Variants in LYST observed in about 807,000 individuals in gnomAD.
The protein encoded by LYST is lysosomal-trafficking regulator.
Under a neutral mutation model 413.6 loss-of-function variants are expected in LYST, and 192 were observed. The observed-to-expected ratio is 0.46, with a 90% CI of 0.41 to 0.52. The LOEUF (loss-of-function observed/expected upper bound fraction) is 0.52. LYST is among the 20% of genes least tolerant of loss of function. LYST has a pLI of 0.00. For missense variants in LYST, 3,815 were observed against 4,499.9 expected, an observed-to-expected ratio of 0.85 and a Z score of 4.35; for synonymous variants, 1,525 against 1,567.3, an observed-to-expected ratio of 0.97 and a Z score of 0.64.
At position 235,664,758 on chromosome 1, in the gene LYST, CTG is replaced by C. The variant is rs1658294485; in HGVS notation, c.11039-139_11039-138del. ...TTTGTAGACAACCCATGACTGAAGA[CTG>C]TATAAATGAAATTACTACACAAGTT... On this transcript the variant is annotated intron_variant, in intron 50 of 52. Transcript: ENST00000389793. The surrounding 1 kb of genome is among the most constrained non-coding windows in gnomAD (Gnocchi z 4.5). 5.4e-6 allele frequency: 4 copies of C among 746,046 alleles called. No individual in the cohort carries two copies. Among genetic ancestry groups the C allele is most frequent in the Non-Finnish European group, 9.4e-6 (4 of 424,690 alleles). 46.2% of individuals were successfully genotyped at this position (746,046 alleles called of 1,614,324 possible).
chr1:235,679,857 G>T (rs1361286911), intron 48 of LYST, among the ~76,000 whole-genome samples: 1 of 152,112 alleles, frequency 6.6e-6, no homozygotes, highest in African/African-American at 2.4e-5. Context: ...TTCCACAGAG[G>T]CTGTCCAAGG....
At chr1:235,800,557 T>G (rs1672098680) in intron 9 of LYST, among the ~76,000 whole-genome samples, 171 bp from the exon 10 acceptor site, 1 of 152,206 alleles carries the variant, frequency 6.6e-6, no homozygotes, top group South Asian at 2.1e-4. Context: ...TCATTTTCTT[T>G]TTATACTGAT....
At chr1:235,672,857 T>C (rs1406546743) in intron 50 of LYST, among the ~76,000 whole-genome samples, 1 of 152,152 alleles carries the variant, frequency 6.6e-6, no homozygotes, top group Admixed American at 6.5e-5. Flanking sequence ...CCTCCCAACA[T>C]TTGAGACAAA....
At chr1:235,748,536 T>C (rs1428266976) in intron 28 of LYST, among the ~76,000 whole-genome samples, 2 of 152,136 alleles carry the variant, frequency 1.3e-5, no homozygotes, top group East Asian at 1.9e-4. Context: ...AATCAATTTA[T>C]AAACAGTAGG....
chr1:235,792,853 G>A (rs552590220), intron 11 of LYST, among the ~76,000 whole-genome samples: 7 of 151,612 alleles, frequency 4.6e-5, no homozygotes, highest in African/African-American at 9.7e-5. Context: ...TAGTAGAGAC[G>A]GGGTTTCATC....
rs574559915 is a variant in LYST, at chr1:235,789,198, G to A, written c.4544-353C>T. ...GACTTCACTGACCCTGGTCCAGGGAGCACACATCATTGTCCATGCCTCACA... is the reference window on the plus strand; with the variant it reads ...GACTTCACTGACCCTGGTCCAGGGAACACACATCATTGTCCATGCCTCACA... On this transcript the variant is annotated intron_variant, in intron 12 of 52. Coordinates refer to ENST00000389793, the MANE Select transcript of LYST (RefSeq NM_000081.4). Among the ~76,000 whole-genome samples the A allele has an allele frequency of 5.3e-5, 8 of 152,204 alleles. No homozygotes were observed. In the East Asian group the frequency reaches 1.2e-3, roughly 22 times the overall value.
chr1:235,805,809 A>G lies in LYST; in HGVS notation c.3327T>C (p.Leu1109=). Residue 1109 remains leucine (L), a synonymous_variant, in exon 6 of 53, where the codon CTT becomes CTC. Coordinates refer to ENST00000389793, the MANE Select transcript of LYST (RefSeq NM_000081.4). The part of the protein sequence containing the change: ...SLQSIRLLEA[L]LAICLHGART... ...TGGCACCATGAAGACAAATGGCCAG[A>G]AGGGCTTCCAAAAGTCGTATACTTT... 1 of 1,613,674 alleles carries G rather than the reference A, an allele frequency of 6.2e-7. No individual in the cohort carries two copies.
chr1:235,715,346 T>G lies in LYST; in HGVS notation c.9639A>C (p.Glu3213Asp). The G allele has an allele frequency of 6.2e-7, 1 of 1,613,906 alleles. No homozygotes were observed. The highest frequency in any genetic ancestry group is 8.5e-7 in the Non-Finnish European group (1 of 1,179,878). Residue 3213 changes from glutamate (E) to aspartate (D), a missense_variant, in exon 42 of 53, where the codon GAA (glutamate) becomes GAC (aspartate). Glu to Asp is a conservative substitution (Grantham distance 45, BLOSUM62 2). This residue lies in a region of LYST where 866 missense variants were observed against 1,156.0 expected (regional missense o/e 0.75). Coordinates refer to ENST00000389793, the MANE Select transcript of LYST (RefSeq NM_000081.4). ...CTTCTCTGGCTCCTTTGCGGTACTC[T>G]TCCTCCAAGTACTGAAAGAAACGGT... Reference protein sequence around the residue: ...RYVDTYKYLEEEYRKGAREDD... With the variant: ...RYVDTYKYLEDEYRKGAREDD...
chr1:235,689,497 A>G (rs957456868), intron 47 of LYST, among the ~76,000 whole-genome samples: 1 of 152,184 alleles, frequency 6.6e-6, no homozygotes, highest in East Asian at 1.9e-4. Flanking sequence ...AGTGCTGGTA[A>G]TGTGTGTGGA....
chr1:235,783,562 T>A (rs888573263), intron 14 of LYST, among the ~76,000 whole-genome samples: 1 of 152,052 alleles, frequency 6.6e-6, no homozygotes, highest in African/African-American at 2.4e-5. Flanking sequence ...GACGGGTTGA[T>A]GGGTGCAGCA....
chr1:235,744,226 A>G, intron 29 of LYST, 69 bp from the exon 30 acceptor site: 1 of 814,298 alleles, frequency 1.2e-6, no homozygotes, highest in African/African-American at 1.7e-5. Context: ...AATAGTAATA[A>G]TACTGGTAAA....
rs768728098 is a variant in LYST at position 235,709,085 on chromosome 1, A to C, written c.10143+6T>G. Reference sequence around the variant, plus strand: ...AAATACAGATTGTTTTAAAAGAGTCACTTACAGCAGGATGAAAAACATTGA... The same window carrying C: ...AAATACAGATTGTTTTAAAAGAGTCCCTTACAGCAGGATGAAAAACATTGA... On this transcript the variant is annotated splice_donor_region_variant and intron_variant, in intron 44 of 52. Transcript: ENST00000389793. 2.6e-5 allele frequency: 42 copies of C among 1,612,126 alleles called. No individual in the cohort carries two copies. The highest frequency in any genetic ancestry group is 3.1e-5 in the Non-Finnish European group (37 of 1,178,278).
chr1:235,803,018 GA>G lies in LYST; in HGVS notation c.3601del (p.Ser1201GlnfsTer15). On this transcript the variant is annotated frameshift_variant, in exon 8 of 53. Coordinates refer to ENST00000389793, the MANE Select transcript of LYST (RefSeq NM_000081.4). LOFTEE classifies it high-confidence loss of function. ...ACACTGAGAATCCTCAGCTTCTTCT[GA>G]AAAATCACCAGGCTGGGATGACAAT... is the stretch of plus-strand genomic sequence containing the variant. ...EELSSQPGDF[S>X]EEAEDSQCCS... 2 of 1,613,186 alleles carry G rather than the reference GA, an allele frequency of 1.2e-6. No homozygotes were observed. The highest frequency in any genetic ancestry group is 1.7e-6 in the Non-Finnish European group (2 of 1,179,598).
At chr1:235,699,479 T>C (rs1229267245) in intron 45 of LYST, among the ~76,000 whole-genome samples, 1 of 152,252 alleles carries the variant, frequency 6.6e-6, no homozygotes, top group Non-Finnish European at 1.5e-5. Context: ...AGTCTATCAT[T>C]GATGGGCATT....
At chr1:235,787,023 T>TG (rs1368260086) in intron 14 of LYST, 177 bp downstream of exon 14, 1 of 518,128 alleles carries the variant, frequency 1.9e-6, no homozygotes, top group Non-Finnish European at 3.4e-6. Context: ...ATTGTGCACA[T>TG]GTACCCTAGA....
chr1:235,754,565 C>A (rs1157151692), intron 25 of LYST, among the ~76,000 whole-genome samples: 1 of 152,116 alleles, frequency 6.6e-6, no homozygotes, highest in Non-Finnish European at 1.5e-5. Flanking sequence ...TTAATACTAT[C>A]TGCCAAATCT....
chr1:235,873,627 T>C (rs1177266635), intron 1 of LYST, among the ~76,000 whole-genome samples: 1 of 152,206 alleles, frequency 6.6e-6, no homozygotes, highest in Non-Finnish European at 1.5e-5. Flanking sequence ...GAGATTTGGG[T>C]CTATTATTGA....
chr1:235,724,022 A>G lies in LYST; in HGVS notation c.9315+6T>C. 1.2e-6 allele frequency: 2 copies of G among 1,612,224 alleles called. No homozygotes were observed. Among genetic ancestry groups the G allele is most frequent in the Non-Finnish European group, 1.7e-6 (2 of 1,178,436 alleles). On this transcript the variant is annotated splice_donor_region_variant and intron_variant, in intron 39 of 52. Transcript: ENST00000389793. Reference sequence around the variant, plus strand: ...AATATATATCAATTAATAAGGGTGAATTTACCTTGGTGTTATCAAATGCCA... The same window carrying G: ...AATATATATCAATTAATAAGGGTGAGTTTACCTTGGTGTTATCAAATGCCA...
intron 47 of LYST, among the ~76,000 whole-genome samples, chr1:235,688,928 T>C (rs1660418126): frequency 6.6e-6 from 1 of 151,120 alleles, no homozygotes; most frequent in Non-Finnish European, 1.5e-5. Flanking sequence ...GAGGTTGCAG[T>C]GAGCCGAGAT....
Sources: gnomAD v4.1 joint callset for allele counts (sites outside exome capture counted in the v4.1 genomes callset) on GRCh38, gnomAD v4.1.1 for gene constraint, gnomAD v4.1.1 regional missense constraint, Gnocchi (gnomAD v3.1) non-coding constraint, MANE v1.5 for transcripts, NCBI Gene and HGNC (gene_info 2026-07-23, HGNC 2026-07-21) for gene names.